TRMT2B: variants seen among roughly 807,000 people sequenced by gnomAD.
The protein encoded by TRMT2B is tRNA methyltransferase 2B, also known as tRNA (uracil-5-)-methyltransferase homolog B.
In TRMT2B, 34 loss-of-function variants were observed where a neutral mutation model predicts 39.7. The ratio of observed to expected loss-of-function variants is 0.86; its 90% CI spans 0.65 to 1.14. The LOEUF is 1.14. Among genes scored for constraint, TRMT2B ranks in the 50% most tolerant of loss-of-function variants. The pLI is 0.00. For missense variants in TRMT2B, 318 were observed against 377.2 expected (o/e 0.84, Z 1.30); for synonymous variants, 132 against 137.3 (o/e 0.96, Z 0.27).
chrX:101,041,242 G>T, intron 4 of TRMT2B, 75 bp downstream of exon 4: 1 of 878,419 alleles, frequency 1.1e-6, no homozygotes, highest in Non-Finnish European at 1.6e-6. Flanking sequence ...ATAAATAACT[G>T]CCCAATCAAG....
chrX:101,001,847 A>G, the TRMT2B span, among the ~76,000 whole-genome samples: 46,101 of 104,078 alleles, frequency 0.44, 8,767 homozygotes, highest in African/African-American at 0.64. Flanking sequence ...AAAAAAAAGC[A>G]GGGGGAAACA....
chrX:101,044,362 G>A (rs1371594218), intron 2 of TRMT2B, among the ~76,000 whole-genome samples: 1 of 111,813 alleles, frequency 8.9e-6, no homozygotes, highest in Non-Finnish European at 1.9e-5. Context: ...AGTAGGATAA[G>A]TCGAGAGAGA....
In TRMT2B at chrX:101,009,436, G is replaced by A. The variant is rs987904232; in HGVS notation, c.*1145C>T. ...TACACAGCACAATTATAGGTATTCAGTCTCTCTGAAAATCTCCTTTCCCTT... is the reference window on the plus strand; with the variant it reads ...TACACAGCACAATTATAGGTATTCAATCTCTCTGAAAATCTCCTTTCCCTT... On this transcript the variant is annotated 3_prime_UTR_variant, in exon 14 of 14. Transcript: ENST00000372936. 9.1e-6 allele frequency: 1 copy of A among 109,989 alleles called. No individual in the cohort carries two copies. The highest frequency in any genetic ancestry group is 3.3e-5 in the African/African-American group (1 of 30,257). The allele number at this position is 109,989 out of a possible 1,213,427, so 9.1% of individuals were successfully genotyped here. A position where few individuals can be genotyped will look rare whatever the true frequency, so the allele number is the denominator to read the frequency against.
chrX:100,979,360 T>C, the TRMT2B span, among the ~76,000 whole-genome samples: 2 of 112,186 alleles, frequency 1.8e-5, no homozygotes, highest in Admixed American at 9.5e-5. Flanking sequence ...GGAAATACTT[T>C]ATTTCTCTTT....
the TRMT2B span, chrX:100,986,033 G>T: frequency 1.1e-6 from 1 of 911,647 alleles, no homozygotes; most frequent in Admixed American, 3.7e-5. Context: ...GTTCCCTTAG[G>T]CTCAGTGAGG....
At chrX:101,004,115 C>G in the TRMT2B span, among the ~76,000 whole-genome samples, 1 of 111,843 alleles carries the variant, frequency 8.9e-6, no homozygotes, top group Non-Finnish European at 1.9e-5. Context: ...AATTCTTCTG[C>G]CTCAGCCTCC....
At chrX:100,985,565 AG>A in the TRMT2B span, 1 of 972,104 alleles carries the variant, frequency 1.0e-6, no homozygotes. Context: ...ACTTCCCAGC[AG>A]GATAGACAAC....
At chrX:101,017,127 A>C (rs755833261) in intron 13 of TRMT2B, among the ~76,000 whole-genome samples, 58 of 110,062 alleles carry the variant, frequency 5.3e-4, no homozygotes, top group African/African-American at 1.9e-3. Context: ...AGCCATGATC[A>C]CACCACTGCA....
chrX:100,999,046 C>A, the TRMT2B span, among the ~76,000 whole-genome samples: 1 of 111,966 alleles, frequency 8.9e-6, no homozygotes, highest in Non-Finnish European at 1.9e-5. Flanking sequence ...ATACCAATAT[C>A]CTGAAATATT....
intron 2 of TRMT2B, among the ~76,000 whole-genome samples, chrX:101,043,942 G>A (rs1476142388): frequency 1.8e-5 from 2 of 111,985 alleles, no homozygotes; most frequent in Non-Finnish European, 3.8e-5. Context: ...GAAATAAGGA[G>A]GCTGATAAAA....
At chrX:100,995,281 A>T in the TRMT2B span, among the ~76,000 whole-genome samples, 4 of 111,951 alleles carry the variant, frequency 3.6e-5, no homozygotes, top group African/African-American at 1.3e-4. Context: ...CAACTAAAAG[A>T]ACTATAGCCA....
downstream of TRMT2B, among the ~76,000 whole-genome samples, chrX:101,005,880 C>CAAAA (rs370275736): frequency 1.4e-3 from 90 of 64,103 alleles, no homozygotes; most frequent in East Asian, 9.1e-3. Context: ...GATTCCCACT[C>CAAAA]AAAAAAAAAA....
At chrX:101,002,131 A>C in the TRMT2B span, among the ~76,000 whole-genome samples, 48 of 111,231 alleles carry the variant, frequency 4.3e-4, no homozygotes, top group African/African-American at 1.5e-3. Flanking sequence ...CTTCATTTAA[A>C]CCAAAACAAA....
the TRMT2B span, among the ~76,000 whole-genome samples, chrX:101,002,419 T>TA: frequency 8.9e-6 from 1 of 112,164 alleles, no homozygotes; most frequent in South Asian, 3.7e-4. Context: ...ACTTAGGTCT[T>TA]TACCTGGCTT....
chrX:100,999,280 ATTG>A, the TRMT2B span, among the ~76,000 whole-genome samples: 2 of 112,557 alleles, frequency 1.8e-5, no homozygotes, highest in Non-Finnish European at 3.7e-5. Context: ...CTGATGGAAA[ATTG>A]TTAAGTGTCA....
intron 2 of TRMT2B, among the ~76,000 whole-genome samples, chrX:101,050,811 A>G (rs752685927): frequency 9.0e-6 from 1 of 110,929 alleles, no homozygotes; most frequent in South Asian, 3.8e-4. Flanking sequence ...TGGGAGGCCG[A>G]GGCAGCCGGA....
the TRMT2B span, chrX:100,990,318 T>C: frequency 1.1e-6 from 1 of 894,602 alleles, no homozygotes; most frequent in South Asian, 5.6e-5. Context: ...GACCTTTTTC[T>C]CTTTTTACTT....
chrX:101,021,875 A>G, intron 9 of TRMT2B, 93 bp downstream of exon 9: 1 of 662,965 alleles, frequency 1.5e-6, no homozygotes, highest in Admixed American at 2.3e-5. Flanking sequence ...CATTTAGCCA[A>G]TATCCTCCAC....
intron 7 of TRMT2B, among the ~76,000 whole-genome samples, chrX:101,034,134 G>C (rs2087681212): frequency 1.2e-5 from 1 of 81,574 alleles, no homozygotes; most frequent in African/African-American, 4.7e-5. Context: ...GAGCCACCGT[G>C]CCTGGCCTAC....
Sources: allele counts gnomAD v4.1 joint callset (sites outside exome capture counted in the v4.1 genomes callset), GRCh38; gene constraint gnomAD v4.1.1; transcripts MANE v1.5; gene names NCBI Gene and HGNC (gene_info 2026-07-23, HGNC 2026-07-21).